SPATA13: variants seen among roughly 807,000 people sequenced by gnomAD.
SPATA13 encodes spermatogenesis associated 13.
Under a neutral mutation model 104.0 loss-of-function variants are expected in SPATA13, and 50 were observed. That is an observed-to-expected ratio of 0.48 (90% confidence interval 0.38 to 0.61). The LOEUF (loss-of-function observed/expected upper bound fraction) is 0.61. Among genes scored for constraint, SPATA13 ranks in the 20% least tolerant of loss-of-function variants. The pLI is 0.00. For synonymous variants in SPATA13, 606 were observed against 667.5 expected (o/e 0.91, Z 1.42); for missense variants, 1,524 against 1,690.6 (o/e 0.90, Z 1.73).
intron 12 of SPATA13, among the ~76,000 whole-genome samples, chr13:24,301,973 T>C (rs1877217461): frequency 6.6e-6 from 1 of 152,214 alleles, no homozygotes; most frequent in Non-Finnish European, 1.5e-5. Flanking sequence ...AGAGAAATCA[T>C]ATCATTTCCC....
intron 4 of SPATA13, chr13:24,278,697 A>T (rs1252810192): frequency 6.5e-7 from 1 of 1,548,756 alleles, no homozygotes; most frequent in Admixed American, 2.1e-5. Context: ...AACAACCCTG[A>T]GAGATGGGTT....
intron 3 of SPATA13, among the ~76,000 whole-genome samples, chr13:24,101,659 G>C (rs1188157092): frequency 6.6e-6 from 1 of 152,112 alleles, no homozygotes; most frequent in East Asian, 1.9e-4. Flanking sequence ...TCAGCTCCTG[G>C]TAACATTACA....
intron 3 of SPATA13, among the ~76,000 whole-genome samples, chr13:24,103,154 A>G (rs1880311655): frequency 6.6e-6 from 1 of 152,230 alleles, no homozygotes. Flanking sequence ...CACTTTAAAA[A>G]TAGTTCTGAA....
At chr13:24,150,775 T>A (rs1054322617) in intron 3 of SPATA13, among the ~76,000 whole-genome samples, 7 of 152,148 alleles carry the variant, frequency 4.6e-5, no homozygotes, top group Non-Finnish European at 8.8e-5. Flanking sequence ...TCTTCTCTCC[T>A]ATGACTGTCC....
At chr13:24,076,044 T>C (rs1294826423) in intron 3 of SPATA13, among the ~76,000 whole-genome samples, 1 of 152,206 alleles carries the variant, frequency 6.6e-6, no homozygotes, top group Non-Finnish European at 1.5e-5. Context: ...AAGCTGACCA[T>C]TTTGTTTTCC....
At chr13:24,247,478 C>CCTTTTTTTTTT (rs1375500120) in intron 2 of SPATA13, among the ~76,000 whole-genome samples, 4 of 87,120 alleles carry the variant, frequency 4.6e-5, no homozygotes, top group African/African-American at 1.6e-4. Context: ...TCCACATTCA[C>CCTTTTTTTTTT]TTTTTTTTTT....
chr13:24,076,534 T>A (rs1879332089), intron 3 of SPATA13, among the ~76,000 whole-genome samples: 1 of 152,088 alleles, frequency 6.6e-6, no homozygotes, highest in South Asian at 2.1e-4. Flanking sequence ...AGCTCCTCGT[T>A]AACTGAGAAG....
chr13:24,132,905 G>C (rs1341022578), intron 3 of SPATA13, among the ~76,000 whole-genome samples: 1 of 152,162 alleles, frequency 6.6e-6, no homozygotes, highest in Non-Finnish European at 1.5e-5. Context: ...AACCTGGGGG[G>C]TGGAGATTGC....
intron 4 of SPATA13, among the ~76,000 whole-genome samples, chr13:24,253,872 G>A (rs936709106): frequency 2.6e-5 from 4 of 152,208 alleles, no homozygotes; most frequent in African/African-American, 9.6e-5. Flanking sequence ...GGGAGCAAGA[G>A]GCAGACGAGG....
intron 1 of SPATA13, among the ~76,000 whole-genome samples, chr13:23,980,585 C>G (rs1874838248): frequency 6.6e-6 from 1 of 152,082 alleles, no homozygotes; most frequent in Non-Finnish European, 1.5e-5. Flanking sequence ...TCCTACTTAA[C>G]GAAGTTTTGT....
At chr13:24,142,872 C>T (rs947642983) in intron 3 of SPATA13, among the ~76,000 whole-genome samples, 7 of 152,138 alleles carry the variant, frequency 4.6e-5, no homozygotes, top group African/African-American at 1.7e-4. Flanking sequence ...CTGGGGAGCC[C>T]GAGGAAAGAC....
At chr13:24,172,226 T>C (rs1883003072) in intron 1 of SPATA13, among the ~76,000 whole-genome samples, 1 of 152,230 alleles carries the variant, frequency 6.6e-6, no homozygotes, top group African/African-American at 2.4e-5. Context: ...GGGATTGGCT[T>C]TTTTCACTCA....
In SPATA13 at chr13:24,136,984, T is replaced by C. The variant is rs1461545362; in HGVS notation, c.-111-85835T>C. ...AGCTGGGACTACAGGCGCCCGCCAC[T>C]ACGCCCGGCTAATTTTTTTGTATTT... On this transcript the variant is annotated intron_variant, in intron 3 of 14. Coordinates refer to the SPATA13 transcript ENST00000424834. Among the ~76,000 whole-genome samples, 35 of 100,332 alleles carry C rather than the reference T, an allele frequency of 3.5e-4. 3 individuals carry two copies. Among genetic ancestry groups the C allele is most frequent in the Admixed American group, 8.1e-4 (7 of 8,658 alleles). 65.8% of individuals were successfully genotyped at this position (100,332 alleles called of 152,430 possible).
intron 2 of SPATA13, among the ~76,000 whole-genome samples, chr13:24,003,609 G>A (rs1318382169): frequency 6.6e-5 from 10 of 152,260 alleles, no homozygotes; most frequent in Admixed American, 2.0e-4. Context: ...AGTTCTTTTC[G>A]TATTATATTA....
intron 4 of SPATA13, among the ~76,000 whole-genome samples, chr13:24,278,088 G>A (rs564432868): frequency 6.6e-5 from 10 of 152,214 alleles, no homozygotes; most frequent in Non-Finnish European, 1.2e-4. Context: ...TTGGAAGGAA[G>A]GGTTAGTGAG....
At chr13:24,249,960 T>G (rs78519278) in intron 3 of SPATA13, 118 bp downstream of exon 3, 3 of 1,343,772 alleles carry the variant, frequency 2.2e-6, no homozygotes, top group Non-Finnish European at 3.0e-6. Context: ...GGCGGCACCA[T>G]GTACTTAACC....
At chr13:24,173,202 T>G (rs544140244) in intron 1 of SPATA13, among the ~76,000 whole-genome samples, 9 of 152,232 alleles carry the variant, frequency 5.9e-5, no homozygotes, top group African/African-American at 2.2e-4. Flanking sequence ...CTCAGCCTCC[T>G]GAGTAGCTGG....
chr13:24,084,421 G>A (rs1460623510), intron 3 of SPATA13, among the ~76,000 whole-genome samples: 3 of 152,210 alleles, frequency 2.0e-5, no homozygotes, highest in African/African-American at 7.2e-5. Context: ...GGTTCTTCAT[G>A]GTGTGTTCTG....
At chr13:24,017,626 C>T (rs983756737) in intron 2 of SPATA13, 2 of 979,960 alleles carry the variant, frequency 2.0e-6, no homozygotes, top group Admixed American at 1.2e-4. Flanking sequence ...CCTGTTTTCA[C>T]ACATCTGTGC....
Sources: allele counts gnomAD v4.1 joint callset (sites outside exome capture counted in the v4.1 genomes callset), GRCh38; gene constraint gnomAD v4.1.1; transcripts MANE v1.5; gene names NCBI Gene and HGNC (gene_info 2026-07-23, HGNC 2026-07-21).